The following RMST variants were observed in gnomAD, a reference collection of about 807,000 sequenced individuals.
RMST encodes rhabdomyosarcoma 2 associated transcript.
chr12:97,561,321 G>T (rs1345940572), intron 13 of RMST, among the ~76,000 whole-genome samples: 1 of 152,166 alleles, frequency 6.6e-6, no homozygotes, highest in East Asian at 1.9e-4. Flanking sequence ...TGCTGTGAGT[G>T]CATGTCCAGT....
intron 11 of RMST, among the ~76,000 whole-genome samples, chr12:97,554,409 C>T (rs1480087344): frequency 6.6e-6 from 1 of 151,948 alleles, no homozygotes; most frequent in Non-Finnish European, 1.5e-5. Context: ...AAGATGCACG[C>T]ATCAGATACT....
intron 5 of RMST, among the ~76,000 whole-genome samples, chr12:97,480,215 G>A (rs1007413015): frequency 6.6e-5 from 10 of 150,822 alleles, no homozygotes; most frequent in South Asian, 2.1e-4. Context: ...TCAGCCTCCC[G>A]AGTAGCTGGG....
At chr12:97,523,385 A>C (rs1013989184) in intron 10 of RMST, among the ~76,000 whole-genome samples, 1 of 152,220 alleles carries the variant, frequency 6.6e-6, no homozygotes, top group Admixed American at 6.5e-5. Flanking sequence ...GGACGAAGTT[A>C]TAGTTAGATA....
chr12:97,474,097 G>T (rs972833446), intron 5 of RMST, among the ~76,000 whole-genome samples: 2 of 152,050 alleles, frequency 1.3e-5, no homozygotes, highest in African/African-American at 4.8e-5. Context: ...GGGGAAGACA[G>T]ATACCCTTTT....
chr12:97,495,424 A>G (rs115946775), intron 9 of RMST, among the ~76,000 whole-genome samples: 179 of 152,288 alleles, frequency 1.2e-3, no homozygotes, highest in African/African-American at 4.2e-3. Context: ...GAGAAGCTGA[A>G]CATAAGTAAA....
chr12:97,547,785 G>T (rs1361786812), intron 11 of RMST, among the ~76,000 whole-genome samples: 2 of 151,692 alleles, frequency 1.3e-5, no homozygotes, highest in Non-Finnish European at 2.9e-5. Flanking sequence ...TATATATTTT[G>T]GATATTAGCC....
chr12:97,495,125 C>T (rs1211035871), intron 9 of RMST, among the ~76,000 whole-genome samples: 2 of 151,468 alleles, frequency 1.3e-5, no homozygotes, highest in Non-Finnish European at 2.9e-5. Flanking sequence ...ACTCAGTACA[C>T]CATACAGCAT....
intron 5 of RMST, among the ~76,000 whole-genome samples, chr12:97,476,188 G>A (rs1874531568): frequency 6.6e-6 from 1 of 151,976 alleles, no homozygotes; most frequent in African/African-American, 2.4e-5. Flanking sequence ...ACATTCTCAG[G>A]GAGTCATTTT....
At chr12:97,525,434 C>G (rs749089949) in intron 10 of RMST, among the ~76,000 whole-genome samples, 1 of 152,218 alleles carries the variant, frequency 6.6e-6, no homozygotes, top group South Asian at 2.1e-4. Flanking sequence ...CTAGAATAGA[C>G]TGCATATTCA....
chr12:97,508,232 C>A (rs952466343), intron 10 of RMST, among the ~76,000 whole-genome samples: 1 of 151,802 alleles, frequency 6.6e-6, no homozygotes, highest in Non-Finnish European at 1.5e-5. Context: ...GTAAGGCTTT[C>A]GAGAAAGTGA....
At chr12:97,528,437 G>A (rs1881327100) in intron 10 of RMST, among the ~76,000 whole-genome samples, 1 of 152,012 alleles carries the variant, frequency 6.6e-6, no homozygotes, top group Admixed American at 6.6e-5. Flanking sequence ...AAAACATTGT[G>A]TACATAGCAT....
chr12:97,475,114 C>G (rs1593127541), intron 5 of RMST, among the ~76,000 whole-genome samples: 1 of 152,114 alleles, frequency 6.6e-6, no homozygotes, highest in Non-Finnish European at 1.5e-5. Flanking sequence ...TCCAGCAGCA[C>G]AAATTGATTG....
intron 10 of RMST, among the ~76,000 whole-genome samples, chr12:97,525,833 C>CTTCATCTGTATTT (rs1881033914): frequency 6.6e-6 from 1 of 152,182 alleles, no homozygotes; most frequent in Non-Finnish European, 1.5e-5. Flanking sequence ...GTGAGAGAAG[C>CTTCATCTGTATTT]TTCATCTGTA....
chr12:97,505,390 A>G (rs538783259), intron 10 of RMST, among the ~76,000 whole-genome samples: 1 of 152,226 alleles, frequency 6.6e-6, no homozygotes, highest in Non-Finnish European at 1.5e-5. Flanking sequence ...GCATAGGGCT[A>G]TGTTTAGATC....
At chr12:97,524,632 G>A (rs762238606) in intron 10 of RMST, among the ~76,000 whole-genome samples, 1 of 152,150 alleles carries the variant, frequency 6.6e-6, no homozygotes, top group African/African-American at 2.4e-5. Flanking sequence ...CTCTTTTACA[G>A]ACAAGACAAT....
intron 5 of RMST, among the ~76,000 whole-genome samples, chr12:97,467,916 T>C (rs1041644193): frequency 5.3e-5 from 8 of 152,026 alleles, no homozygotes; most frequent in African/African-American, 1.7e-4. Context: ...TATTAGGATA[T>C]GGATTTTCTT....
chr12:97,470,844 A>G (rs1259228463), intron 5 of RMST, among the ~76,000 whole-genome samples: 1 of 151,970 alleles, frequency 6.6e-6, no homozygotes, highest in African/African-American at 2.4e-5. Context: ...ACCACTCCCC[A>G]AAAAAGAGCC....
intron 5 of RMST, among the ~76,000 whole-genome samples, chr12:97,467,888 G>T (rs944185728): frequency 1.3e-5 from 2 of 151,986 alleles, no homozygotes. Context: ...ATTGGCTTTG[G>T]TATGTTCATG....
exon 14 of RMST, chr12:97,564,511 T>C (rs1884388157): frequency 1.3e-5 from 2 of 152,592 alleles, no homozygotes; most frequent in Admixed American, 6.5e-5. Flanking sequence ...GGGCAAATGA[T>C]ATAAACTCTA....
Sources: allele counts gnomAD v4.1 joint callset (sites outside exome capture counted in the v4.1 genomes callset), GRCh38; gene constraint gnomAD v4.1.1; transcripts MANE v1.5; gene names NCBI Gene and HGNC (gene_info 2026-07-23, HGNC 2026-07-21).